Variants in SS18 observed in about 807,000 individuals in gnomAD.
SS18 encodes the protein protein SSXT.
A neutral mutation model predicts 72.5 loss-of-function variants in SS18; 28 were observed. The ratio of observed to expected loss-of-function variants is 0.39; its 90% CI spans 0.29 to 0.53. SS18 has a LOEUF of 0.53. SS18 is among the 20% of genes least tolerant of loss of function. The pLI is 0.76. For synonymous variants in SS18, 172 were observed against 164.2 expected (o/e 1.05, Z -0.37); for missense variants, 518 against 535.3 (o/e 0.97, Z 0.32).
intron 2 of SS18, among the ~76,000 whole-genome samples, chr18:26,087,116 A>G (rs2054628476): frequency 6.6e-6 from 1 of 152,238 alleles, no homozygotes; most frequent in Non-Finnish European, 1.5e-5. Context: ...ACATGGTTCA[A>G]CATGGATGAA....
intron 2 of SS18, chr18:26,082,408 GAATAA>G (rs1198856686): frequency 2.9e-5 from 28 of 963,800 alleles, no homozygotes; most frequent in Non-Finnish European, 3.2e-5. Flanking sequence ...GCACTTTATA[GAATAA>G]AAGTTATCTT....
intron 3 of SS18, among the ~76,000 whole-genome samples, chr18:26,075,389 A>G (rs2054393576): frequency 6.6e-6 from 1 of 151,976 alleles, no homozygotes; most frequent in Non-Finnish European, 1.5e-5. Flanking sequence ...GGTCATCAAC[A>G]AGTAGGTTAA....
chr18:26,024,253 T>C (rs2053406373), intron 10 of SS18, among the ~76,000 whole-genome samples: 1 of 152,148 alleles, frequency 6.6e-6, no homozygotes, highest in South Asian at 2.1e-4. Flanking sequence ...TAAAGGGGAA[T>C]GAGGAGTGAC....
intron 4 of SS18, 61 bp from the exon 5 acceptor site, chr18:26,052,906 T>C: frequency 7.1e-7 from 1 of 1,408,048 alleles, no homozygotes; most frequent in Non-Finnish European, 9.9e-7. Context: ...CATACAAAAG[T>C]ACCTGGAAAT....
intron 10 of SS18, among the ~76,000 whole-genome samples, chr18:26,027,551 A>G (rs932757577): frequency 1.3e-5 from 2 of 151,826 alleles, no homozygotes; most frequent in Non-Finnish European, 2.9e-5. Context: ...GCACACCTGT[A>G]GTCCTCGTTA....
At chr18:26,038,052 AT>A (rs1555645936) in intron 7 of SS18, among the ~76,000 whole-genome samples, 1 of 152,138 alleles carries the variant, frequency 6.6e-6, no homozygotes, top group Non-Finnish European at 1.5e-5. Flanking sequence ...AGTCTCCCAA[AT>A]TTTTCTCAAA....
intron 2 of SS18, among the ~76,000 whole-genome samples, chr18:26,084,426 G>T (rs1321884166): frequency 1.3e-5 from 2 of 152,154 alleles, no homozygotes; most frequent in Non-Finnish European, 2.9e-5. Flanking sequence ...TAAAATTAGT[G>T]TGTTGAAGTA....
intron 3 of SS18, among the ~76,000 whole-genome samples, chr18:26,066,882 A>C (rs374349724): frequency 7.2e-4 from 110 of 152,294 alleles, no homozygotes; most frequent in Non-Finnish European, 1.3e-3. Flanking sequence ...ATAATCCTTA[A>C]CGGCAGAAGT....
At chr18:26,034,933 A>G in intron 9 of SS18, 72 bp downstream of exon 9, 1 of 1,536,820 alleles carries the variant, frequency 6.5e-7, no homozygotes, top group Non-Finnish European at 8.8e-7. Context: ...TAAGTATTAA[A>G]TATCCACTTC....
chr18:26,056,038 T>C (rs1053461774), intron 4 of SS18, among the ~76,000 whole-genome samples: 1 of 152,182 alleles, frequency 6.6e-6, no homozygotes, highest in African/African-American at 2.4e-5. Context: ...ATTACAGGCG[T>C]GAGCCACCGC....
chr18:26,081,232 TA>T (rs2054516673), intron 2 of SS18: 1 of 152,166 alleles, frequency 6.6e-6, no homozygotes, highest in Non-Finnish European at 1.5e-5. Context: ...CACTGTCAGC[TA>T]GGCTGGAGTG....
intron 5 of SS18, among the ~76,000 whole-genome samples, chr18:26,041,189 A>G (rs111950521): frequency 0.012 from 1,790 of 152,172 alleles, 27 homozygotes; most frequent in African/African-American, 0.041. Context: ...TTGGGAGGCT[A>G]AGGTGGGTGG....
Position 26,017,055 on chromosome 18 carries a change from T to C in SS18, c.*1299A>G, listed in dbSNP as rs1262532253. 4.5e-6 allele frequency: 1 copy of C among 223,100 alleles called. No individual in the cohort carries two copies. Among genetic ancestry groups the C allele is most frequent in the Non-Finnish European group, 8.9e-6 (1 of 111,770 alleles). 13.8% of individuals were successfully genotyped at this position (223,100 alleles called of 1,614,324 possible). A position where few individuals can be genotyped will look rare whatever the true frequency, so the allele number is the denominator to read the frequency against. On this transcript the variant is annotated 3_prime_UTR_variant, in exon 11 of 11. Transcript: ENST00000415083. The stretch of plus-strand genomic sequence containing the variant: ...ATAACCGTGGTTAGAAATTTTTCAA[T>C]GCATGCTTTCCTGCCCCACGCAATC...
chr18:26,039,226 G>T, intron 6 of SS18, 63 bp downstream of exon 6: 3 of 916,126 alleles, frequency 3.3e-6, no homozygotes, highest in Non-Finnish European at 4.7e-6. Context: ...TAGATTAAAA[G>T]GTCATTAAAA....
At chr18:26,026,915 T>A (rs2053455491) in intron 10 of SS18, among the ~76,000 whole-genome samples, 2 of 152,066 alleles carry the variant, frequency 1.3e-5, no homozygotes, top group Admixed American at 6.6e-5. Context: ...AAAATAAATG[T>A]AAGACCTATA....
intron 5 of SS18, among the ~76,000 whole-genome samples, chr18:26,041,580 A>C (rs898979295): frequency 1.1e-4 from 16 of 152,236 alleles, no homozygotes; most frequent in African/African-American, 3.9e-4. Flanking sequence ...TTCATAATTT[A>C]ATAGGTAACC....
In SS18 at chr18:26,035,053, G is replaced by T; in HGVS notation, c.1048C>A (p.Gln350Lys). The change falls in exon 9 of 11, where the codon CAG becomes AAG. Residue 350 changes from glutamine to lysine, a missense_variant. Transcript: ENST00000415083. This position sits in a 1 kb window ranked among gnomAD's most constrained non-coding sequence, Gnocchi z 4.4. ...PPQQGYPPQQ[Q>K]QYPGQQGYPG... ...TAACCTTGCTGCCCTGGGTACTGCT[G>T]CTGCTGGGGTGGATATCCCTGTTGT... 1.9e-6 allele frequency: 3 copies of T among 1,613,626 alleles called. No individual in the cohort carries two copies. The highest frequency in any genetic ancestry group is 2.5e-6 in the Non-Finnish European group (3 of 1,179,682).
intron 3 of SS18, among the ~76,000 whole-genome samples, chr18:26,066,600 G>GCGCGCACACACACACACACA (rs148515889): frequency 2.1e-5 from 3 of 144,332 alleles, no homozygotes; most frequent in South Asian, 2.2e-4. Flanking sequence ...GGAAATTTGT[G>GCGCGCACACACACACACACA]CACACACACA....
intron 2 of SS18, among the ~76,000 whole-genome samples, chr18:26,085,284 C>A (rs2054597413): frequency 6.6e-6 from 1 of 152,208 alleles, no homozygotes; most frequent in Non-Finnish European, 1.5e-5. Context: ...ATCCTCCCAC[C>A]TCAGCCTCCC....
Sources: gnomAD v4.1 joint callset for allele counts (sites outside exome capture counted in the v4.1 genomes callset) on GRCh38, gnomAD v4.1.1 for gene constraint, Gnocchi (gnomAD v3.1) non-coding constraint, MANE v1.5 for transcripts, NCBI Gene and HGNC (gene_info 2026-07-23, HGNC 2026-07-21) for gene names.